LRP8: variants seen among roughly 807,000 people sequenced by gnomAD.
LRP8 encodes the protein LDL receptor related protein 8, also known as low-density lipoprotein receptor-related protein 8.
A neutral mutation model predicts 111.6 loss-of-function variants in LRP8; 46 were observed. That is an observed-to-expected ratio of 0.41 (90% CI 0.33 to 0.53). The LOEUF (loss-of-function observed/expected upper bound fraction) is 0.53, where lower values mean the gene tolerates loss of function less well. Among genes scored for constraint, LRP8 ranks in the 20% least tolerant of loss-of-function variants. The pLI, the probability that LRP8 is intolerant of heterozygous loss-of-function variation, is 0.20. For missense variants in LRP8, 959 were observed against 1,297.4 expected (o/e 0.74, Z 4.01); for synonymous variants, 464 against 511.2 (o/e 0.91, Z 1.24).
chr1:53,284,227 C>CTACTACATACCCGGGCCACT (rs1647236259), intron 3 of LRP8, among the ~76,000 whole-genome samples: 2 of 67,048 alleles, frequency 3.0e-5, no homozygotes, highest in African/African-American at 5.1e-5. Flanking sequence ...GGCCACTTAC[C>CTACTACATACCCGGGCCACT]TACTACATAC....
chr1:53,263,104 TGACGATCC>T (rs1646404991), intron 10 of LRP8, among the ~76,000 whole-genome samples: 3 of 152,346 alleles, frequency 2.0e-5, no homozygotes, highest in African/African-American at 7.2e-5. Context: ...CCTGGGACCC[TGACGATCC>T]GCAGTGGATT....
At chr1:53,280,436 A>C in intron 4 of LRP8, 151 bp downstream of exon 4, 1 of 926,062 alleles carries the variant, frequency 1.1e-6, no homozygotes, top group Non-Finnish European at 1.6e-6. Flanking sequence ...TCTCCATAGA[A>C]TCTAGCCATT....
rs1646545143 is a variant in LRP8 at position 53,266,080 on chromosome 1, T to C, written c.1427+393A>G. On this transcript the variant is annotated intron_variant, in intron 9 of 18. Transcript: ENST00000306052. The surrounding 1 kb of genome is among the most constrained non-coding windows in gnomAD (Gnocchi z 5.0). ...CAAATGGATGTCACTGTGTTGTGAGTGGGATCCTCTGGGCAGGGACCAGGT... is the reference window on the plus strand; with the variant it reads ...CAAATGGATGTCACTGTGTTGTGAGCGGGATCCTCTGGGCAGGGACCAGGT... 6.6e-6 allele frequency among the ~76,000 whole-genome samples: 1 copy of C among 151,612 alleles called. No homozygotes were observed.
chr1:53,267,891 C>T (rs1646633309), intron 8 of LRP8: 1 of 152,270 alleles, frequency 6.6e-6, no homozygotes, highest in Non-Finnish European at 1.5e-5. Context: ...ACCTGCCCCT[C>T]AAGCTCCCTG....
In LRP8 at chr1:53,324,135, G is replaced by A. The variant is rs148615572; in HGVS notation, c.244+2738C>T. 2.3e-3 allele frequency among the ~76,000 whole-genome samples: 356 copies of A among 152,328 alleles called. 2 individuals are homozygous for A. Among genetic ancestry groups the A allele is most frequent in the African/African-American group, 8.1e-3 (336 of 41,568 alleles). On this transcript the variant is annotated intron_variant, in intron 2 of 18. Transcript: ENST00000306052. ...AAGAGGGTGGTCAGGGGTAAGGCACGGAGACTGCTCAGGGAGGAGCAGATT... is the reference window on the plus strand; with the variant it reads ...AAGAGGGTGGTCAGGGGTAAGGCACAGAGACTGCTCAGGGAGGAGCAGATT...
Position 53,250,600 on chromosome 1 carries a change from G to A in LRP8, c.2676+90C>T. 1 of 1,150,854 alleles carries A rather than the reference G, an allele frequency of 8.7e-7. No homozygotes were observed. Among genetic ancestry groups the A allele is most frequent in the Non-Finnish European group, 1.3e-6 (1 of 790,484 alleles). 71.3% of individuals were successfully genotyped at this position (1,150,854 alleles called of 1,614,324 possible). A position where few individuals can be genotyped will look rare whatever the true frequency, so the allele number is the denominator to read the frequency against. On this transcript the variant is annotated intron_variant, in intron 17 of 18. Coordinates refer to ENST00000306052, the MANE Select transcript of LRP8 (RefSeq NM_004631.5). This position sits in a 1 kb window ranked among gnomAD's most constrained non-coding sequence, Gnocchi z 4.6. Reference sequence around the variant, plus strand: ...GGAAGGAAGGAAGGGAGGGAAGAAAGGATGGGAAGGAAGAAAGGATGGGAG... The same window carrying A: ...GGAAGGAAGGAAGGGAGGGAAGAAAAGATGGGAAGGAAGAAAGGATGGGAG...
At position 53,257,172 on chromosome 1, in the gene LRP8, A is replaced by C. The variant is rs182955171; in HGVS notation, c.2434+68T>G. On this transcript the variant is annotated intron_variant, in intron 15 of 18. Coordinates refer to ENST00000306052, the MANE Select transcript of LRP8 (RefSeq NM_004631.5). The stretch of plus-strand genomic sequence containing the variant: ...GCTCTGGTAGGTTCTGTCTTATCAC[A>C]TACCCCCTTCCTGGCTTCCCTAGGA... 334 of 1,439,230 alleles carry C rather than the reference A, an allele frequency of 2.3e-4. No individual in the cohort carries two copies. The African/African-American group carries it at 4.0e-3, about 17-fold the overall frequency. 89.2% of individuals were successfully genotyped at this position (1,439,230 alleles called of 1,614,324 possible).
intron 2 of LRP8, chr1:53,291,898 G>A (rs926528730): frequency 6.6e-6 from 1 of 152,218 alleles, no homozygotes; most frequent in Non-Finnish European, 1.5e-5. Flanking sequence ...GTCCAACATG[G>A]TTTGCTTTCT....
At chr1:53,290,343 T>G (rs1475024943) in intron 2 of LRP8, among the ~76,000 whole-genome samples, 2 of 152,092 alleles carry the variant, frequency 1.3e-5, no homozygotes, top group African/African-American at 2.4e-5. Context: ...GGATGTTCCT[T>G]AATCTCTGAG....
chr1:53,323,395 T>C (rs1463482207), intron 2 of LRP8, among the ~76,000 whole-genome samples: 3 of 152,226 alleles, frequency 2.0e-5, no homozygotes. Context: ...TCATCGGCGC[T>C]ATGGTTACTG....
intron 16 of LRP8, among the ~76,000 whole-genome samples, chr1:53,252,639 G>A (rs1463358717): frequency 1.3e-5 from 2 of 152,088 alleles, no homozygotes; most frequent in Non-Finnish European, 1.5e-5. Context: ...GAAGAAATAC[G>A]CAAGTCCTGT....
rs11206135 is a variant in LRP8 at position 53,280,853 on chromosome 1, T to C, written c.368-138A>G. ...AGGGCTCTTCTGGCCCATGTCTCAG[T>C]TTCATCAGCTGAGAAGAAGCCTCTG... On this transcript the variant is annotated intron_variant, in intron 3 of 18. Coordinates refer to ENST00000306052, the MANE Select transcript of LRP8 (RefSeq NM_004631.5). 761 of 1,056,412 alleles carry C rather than the reference T, an allele frequency of 7.2e-4. 2 individuals carry two copies. In the African/African-American group the frequency reaches 0.011, roughly 15 times the overall value. 65.4% of individuals were successfully genotyped at this position (1,056,412 alleles called of 1,614,324 possible).
At position 53,246,704 on chromosome 1, in the gene LRP8, C is replaced by G; in HGVS notation, c.*314G>C. ...TTTAAATGATGAGTAAGGTACTGTG[C>G]CATTGGCCCCCATTTGGTTATGTGC... On this transcript the variant is annotated 3_prime_UTR_variant, in exon 19 of 19. Transcript: ENST00000306052. 1 of 349,804 alleles carries G rather than the reference C, an allele frequency of 2.9e-6. No individual in the cohort carries two copies. The highest frequency in any genetic ancestry group is 5.2e-6 in the Non-Finnish European group (1 of 193,016). 21.7% of individuals were successfully genotyped at this position (349,804 alleles called of 1,614,324 possible). A position where few individuals can be genotyped will look rare whatever the true frequency, so the allele number is the denominator to read the frequency against.
chr1:53,258,545 TTC>T, intron 13 of LRP8, 74 bp from the exon 14 acceptor site: 2 of 1,403,684 alleles, frequency 1.4e-6, no homozygotes, highest in Non-Finnish European at 2.0e-6. Flanking sequence ...AGGATGAGGC[TTC>T]TCCCACCTGG....
In LRP8 at chr1:53,250,824, A is replaced by G. The variant is rs780703464; in HGVS notation, c.2542T>C (p.Trp848Arg). The G allele has an allele frequency of 6.2e-7, 1 of 1,614,146 alleles. No individual in the cohort carries two copies. Among genetic ancestry groups the G allele is most frequent in the Non-Finnish European group, 8.5e-7 (1 of 1,180,024 alleles). The change falls in exon 17 of 19, where the codon TGG becomes CGG. Residue 848 changes from tryptophan to arginine, a missense_variant. Trp to Arg is a moderately radical substitution (Grantham distance 101, BLOSUM62 -3). Transcript: ENST00000306052. This position sits in a 1 kb window ranked among gnomAD's most constrained non-coding sequence, Gnocchi z 4.6. The part of the protein sequence containing the change: ...ALLCMSGYLI[W>R]RNWKRKNTKS... ...GTGTTCTTCCGCTTCCAGTTTCTCC[A>G]GATCAGGTATCCACTCATGCACAGG...
rs1646465705 is a variant in LRP8, at chr1:53,264,318, C to T, written c.1506G>A (p.Leu502=). 6.2e-7 allele frequency: 1 copy of T among 1,614,172 alleles called. No individual in the cohort carries two copies. Among genetic ancestry groups the T allele is most frequent in the Non-Finnish European group, 8.5e-7 (1 of 1,180,010 alleles). Residue 502 remains leucine, a synonymous_variant, in exon 10 of 19, where the codon CTG becomes CTA. Transcript: ENST00000306052. ...IDEQLHSPEG[L]AVDWVHKHIY... Reference sequence around the variant, plus strand: ...TGTGCTTGTGGACCCAGTCCACTGCCAGGCCCTCTGGAGAGTGCAACTGCT... The same window carrying T: ...TGTGCTTGTGGACCCAGTCCACTGCTAGGCCCTCTGGAGAGTGCAACTGCT...
At chr1:53,316,834 T>C (rs1653868910) in intron 2 of LRP8, among the ~76,000 whole-genome samples, 1 of 152,128 alleles carries the variant, frequency 6.6e-6, no homozygotes, top group Non-Finnish European at 1.5e-5. Flanking sequence ...ACACATGGCC[T>C]GGGGAGGAGA....
chr1:53,319,212 C>T (rs551068021), intron 2 of LRP8, among the ~76,000 whole-genome samples: 47 of 152,306 alleles, frequency 3.1e-4, no homozygotes, highest in Admixed American at 7.2e-4. Context: ...CCAAGGATTA[C>T]GGCAGGTTGA....
At chr1:53,306,913 C>G (rs1652067986) in intron 2 of LRP8, among the ~76,000 whole-genome samples, 2 of 152,180 alleles carry the variant, frequency 1.3e-5, no homozygotes, top group South Asian at 4.1e-4. Context: ...TCATTTAGTT[C>G]TTACAATCAC....
Sources: allele counts gnomAD v4.1 joint callset (sites outside exome capture counted in the v4.1 genomes callset), GRCh38; gene constraint gnomAD v4.1.1; non-coding constraint Gnocchi (gnomAD v3.1); transcripts MANE v1.5; gene names NCBI Gene and HGNC (gene_info 2026-07-23, HGNC 2026-07-21).